Variants in C16orf96 observed in about 807,000 individuals in gnomAD.
C16orf96 encodes the protein chromosome 16 open reading frame 96, also known as uncharacterized protein C16orf96.
Under a neutral mutation model 103.6 loss-of-function variants are expected in C16orf96, and 108 were observed. That is an observed-to-expected ratio of 1.04 (90% CI 0.89 to 1.22). C16orf96 has a LOEUF of 1.22. Among genes scored for constraint, C16orf96 ranks in the 50% most tolerant of loss-of-function variants. C16orf96 has a pLI of 0.00. For missense variants in C16orf96, 1,586 were observed against 1,464.2 expected, an observed-to-expected ratio of 1.08 and a Z score of -1.36; for synonymous variants, 566 against 593.5, an observed-to-expected ratio of 0.95 and a Z score of 0.67.
the C16orf96 span, among the ~76,000 whole-genome samples, chr16:4,545,584 G>A: frequency 2.6e-5 from 4 of 152,028 alleles, no homozygotes; most frequent in African/African-American, 9.7e-5. Flanking sequence ...TCATCCTCCA[G>A]GTGATATTTG....
At position 4,574,983 on chromosome 16, in the gene C16orf96, G is replaced by A; in HGVS notation, c.618G>A (p.Gln206=). 5.2e-6 allele frequency: 8 copies of A among 1,551,478 alleles called. No individual in the cohort carries two copies. The highest frequency in any genetic ancestry group is 7.0e-6 in the Non-Finnish European group (8 of 1,146,990). ...VALQREVASL[Q]NKFKTIPKTE... Reference sequence around the variant, plus strand: ...CCCCCACCTTGCAGGCTTCTCTCCAGAATAAGTTTAAAACCATCCCCAAAA... The same window carrying A: ...CCCCCACCTTGCAGGCTTCTCTCCAAAATAAGTTTAAAACCATCCCCAAAA... The change falls in exon 4 of 16, where the codon CAG becomes CAA. Residue 206 remains glutamine (Q), a synonymous_variant. Transcript: ENST00000444310.
intron 1 of C16orf96, chr16:4,562,908 A>G: frequency 1.4e-6 from 2 of 1,422,048 alleles, no homozygotes; most frequent in Non-Finnish European, 2.0e-6. Context: ...TCCTGGTTTC[A>G]TTTCACCTTC....
chr16:4,542,787 C>G, the C16orf96 span, among the ~76,000 whole-genome samples: 1 of 151,824 alleles, frequency 6.6e-6, no homozygotes, highest in East Asian at 1.9e-4. Flanking sequence ...ACAAGCAAAA[C>G]TTTGTCTCAA....
upstream of C16orf96, among the ~76,000 whole-genome samples, chr16:4,553,489 C>A (rs765478966): frequency 1.3e-5 from 2 of 152,006 alleles, no homozygotes; most frequent in Non-Finnish European, 2.9e-5. Context: ...AGGCACACAC[C>A]ACCATGCCCA....
At position 4,575,377 on chromosome 16, in the gene C16orf96, A is replaced by T; in HGVS notation, c.897A>T (p.Ser299=). ...LPEGSSAQAV[S]LSRAQEPAQP... ...AGGGCTCATCTGCCCAAGCAGTTTC[A>T]CTCAGCAGAGCCCAGGAGCCAGCGC... Residue 299 remains serine, a synonymous_variant, in exon 5 of 16, where the codon TCA becomes TCT. Transcript: ENST00000444310. The T allele has an allele frequency of 6.4e-7, 1 of 1,550,966 alleles. No homozygotes were observed. The highest frequency in any genetic ancestry group is 2.0e-5 in the Admixed American group (1 of 51,002).
chr16:4,572,597 G>A (rs1032497306), intron 2 of C16orf96, among the ~76,000 whole-genome samples: 5 of 151,956 alleles, frequency 3.3e-5, no homozygotes, highest in African/African-American at 7.3e-5. Context: ...CACCACATCC[G>A]GCAATACTGA....
intron 1 of C16orf96, among the ~76,000 whole-genome samples, chr16:4,565,043 A>G (rs2059372458): frequency 6.6e-6 from 1 of 152,060 alleles, no homozygotes; most frequent in African/African-American, 2.4e-5. Context: ...AAAGTCCCAC[A>G]TGTGACCGTG....
intron 1 of C16orf96, among the ~76,000 whole-genome samples, chr16:4,567,119 T>G (rs1393714813): frequency 6.6e-6 from 1 of 152,128 alleles, no homozygotes; most frequent in Non-Finnish European, 1.5e-5. Context: ...GATCTTTCTT[T>G]GTTAATATAG....
intron 7 of C16orf96, among the ~76,000 whole-genome samples, chr16:4,584,932 A>G (rs1401099365): frequency 6.6e-6 from 1 of 152,122 alleles, no homozygotes. Context: ...CAGCCTCCCA[A>G]AGTGCTGGGA....
the C16orf96 span, among the ~76,000 whole-genome samples, chr16:4,548,465 C>G: frequency 6.6e-6 from 1 of 152,332 alleles, no homozygotes; most frequent in East Asian, 1.9e-4. Flanking sequence ...GTCTTTCTAC[C>G]TCGTGGCACC....
intron 7 of C16orf96, among the ~76,000 whole-genome samples, chr16:4,585,795 A>G (rs1325650371): frequency 3.3e-5 from 5 of 152,184 alleles, no homozygotes; most frequent in Non-Finnish European, 4.4e-5. Flanking sequence ...GCTTTGGAGC[A>G]ACTTGGATGG....
chr16:4,567,445 G>C (rs972437477), intron 1 of C16orf96, among the ~76,000 whole-genome samples: 1 of 149,290 alleles, frequency 6.7e-6, no homozygotes, highest in East Asian at 2.0e-4. Context: ...CACCACGCCC[G>C]GCTAATTTTT....
In C16orf96 at chr16:4,594,280, C is replaced by A. The variant is rs867375225; in HGVS notation, c.2868-71C>A. 6.7e-6 allele frequency: 10 copies of A among 1,498,112 alleles called. No individual in the cohort carries two copies. In the Middle Eastern group the frequency reaches 6.8e-4, roughly 102 times the overall value. 92.8% of individuals were successfully genotyped at this position (1,498,112 alleles called of 1,614,324 possible). On this transcript the variant is annotated intron_variant, in intron 12 of 15. Coordinates refer to ENST00000444310, the MANE Select transcript of C16orf96 (RefSeq NM_001145011.2). ...TGGTCTTCCCTCGATGCTGGCCAGGCCCTTGGGGCCCGTCCTGGGCTCTGG... is the reference window on the plus strand; with the variant it reads ...TGGTCTTCCCTCGATGCTGGCCAGGACCTTGGGGCCCGTCCTGGGCTCTGG...
At chr16:4,597,374 G>A (rs1437073819) in intron 14 of C16orf96, among the ~76,000 whole-genome samples, 1 of 152,180 alleles carries the variant, frequency 6.6e-6, no homozygotes, top group African/African-American at 2.4e-5. Flanking sequence ...CTGAGTGAGG[G>A]CTGCTTGCCG....
Position 4,579,281 on chromosome 16 carries a change from G to A in C16orf96, c.2241+256G>A, listed in dbSNP as rs541318924. ...TTCAGAGGGCAGGTGAAGCCGGTGC[G>A]GTGGCTCATACCTGTAATCCCAACG... is the stretch of plus-strand genomic sequence containing the variant. On this transcript the variant is annotated intron_variant, in intron 6 of 15. Coordinates refer to ENST00000444310, the MANE Select transcript of C16orf96 (RefSeq NM_001145011.2). Among the ~76,000 whole-genome samples the A allele has an allele frequency of 3.7e-4, 56 of 152,174 alleles. 1 individual carries two copies. In the South Asian group the frequency reaches 7.9e-3, roughly 21 times the overall value.
chr16:4,595,832 G>C (rs998308722), intron 14 of C16orf96, among the ~76,000 whole-genome samples: 3 of 151,888 alleles, frequency 2.0e-5, no homozygotes, highest in Admixed American at 2.0e-4. Flanking sequence ...TCAGCCTCCC[G>C]AGTAGCTGGG....
At chr16:4,548,673 G>T in the C16orf96 span, among the ~76,000 whole-genome samples, 2 of 152,088 alleles carry the variant, frequency 1.3e-5, no homozygotes, top group South Asian at 4.1e-4. Flanking sequence ...AGGAGTTTGA[G>T]ACCAGCCTGG....
At chr16:4,544,441 A>G in the C16orf96 span, among the ~76,000 whole-genome samples, 1 of 152,138 alleles carries the variant, frequency 6.6e-6, no homozygotes, top group East Asian at 1.9e-4. Flanking sequence ...CCCGGTATCT[A>G]CAAAAAATAC....
intron 15 of C16orf96, 67 bp downstream of exon 15, chr16:4,599,431 T>TCATCC: frequency 2.2e-6 from 3 of 1,378,094 alleles, no homozygotes; most frequent in Non-Finnish European, 3.0e-6. Flanking sequence ...CCTCCTCGTC[T>TCATCC]CATCCCATCC....
Sources: allele counts gnomAD v4.1 joint callset (sites outside exome capture counted in the v4.1 genomes callset), GRCh38; gene constraint gnomAD v4.1.1; transcripts MANE v1.5; gene names NCBI Gene and HGNC (gene_info 2026-07-23, HGNC 2026-07-21).